C10orf90: variants seen among roughly 807,000 people sequenced by gnomAD.
C10orf90 encodes the protein chromosome 10 open reading frame 90, also known as (E2-independent) E3 ubiquitin-conjugating enzyme FATS.
C10orf90 carries 56 observed loss-of-function variants against 62.5 expected under a neutral mutation model. That is an observed-to-expected ratio of 0.90 (90% CI 0.72 to 1.12). C10orf90 has a LOEUF of 1.12. Ranked by LOEUF, C10orf90 falls within the 50% of genes most tolerant of loss-of-function variation. The pLI is 0.00. For missense variants in C10orf90, 970 were observed against 880.4 expected, an observed-to-expected ratio of 1.10 and a Z score of -1.29; for synonymous variants, 386 against 340.4, an observed-to-expected ratio of 1.13 and a Z score of -1.47.
chr10:126,462,730 A>T (rs900711540), intron 5 of C10orf90, among the ~76,000 whole-genome samples: 1 of 152,102 alleles, frequency 6.6e-6, no homozygotes, highest in Non-Finnish European at 1.5e-5. Flanking sequence ...ATGCATCTCC[A>T]TGATTACAAC....
intron 1 of C10orf90, among the ~76,000 whole-genome samples, chr10:126,656,785 T>A (rs998426698): frequency 6.6e-6 from 1 of 152,248 alleles, no homozygotes; most frequent in Non-Finnish European, 1.5e-5. Context: ...TGTACCCATT[T>A]GTCACAACAA....
intron 2 of C10orf90, among the ~76,000 whole-genome samples, chr10:126,552,135 T>C (rs899394820): frequency 6.6e-6 from 1 of 152,166 alleles, no homozygotes; most frequent in Admixed American, 6.5e-5. Context: ...AGCTTTAGGG[T>C]CATCAGTGTA....
intron 2 of C10orf90, among the ~76,000 whole-genome samples, chr10:126,600,927 T>C (rs1845187015): frequency 1.3e-5 from 2 of 152,168 alleles, no homozygotes; most frequent in East Asian, 1.9e-4. Context: ...AGCCAAGATA[T>C]GGAAACAGCC....
chr10:126,670,197 T>C (rs1478640345), intron 1 of C10orf90, 44 bp downstream of exon 1: 6 of 449,848 alleles, frequency 1.3e-5, no homozygotes, highest in Non-Finnish European at 2.2e-5. Flanking sequence ...CATCTCTCTC[T>C]GAGTCAAGCG....
At position 126,482,918 on chromosome 10, in the gene C10orf90, T is replaced by C. The variant is rs1363150170; in HGVS notation, c.1535-17932A>G. ...GTTAAGGAACAAGGAGTTAAGGAGTTAGGCTTGGGGGACCCTTAATTTTAA... is the reference window on the plus strand; with the variant it reads ...GTTAAGGAACAAGGAGTTAAGGAGTCAGGCTTGGGGGACCCTTAATTTTAA... On this transcript the variant is annotated intron_variant, in intron 4 of 9. Transcript: ENST00000488181. Among the ~76,000 whole-genome samples the C allele has an allele frequency of 2.0e-5, 3 of 152,212 alleles. No homozygotes were observed. The East Asian group carries it at 5.8e-4, about 29-fold the overall frequency.
chr10:126,480,972 C>T (rs1454424142), intron 4 of C10orf90, among the ~76,000 whole-genome samples: 1 of 152,174 alleles, frequency 6.6e-6, no homozygotes, highest in Non-Finnish European at 1.5e-5. Flanking sequence ...CGGGCCTCTG[C>T]TCACCTCCAT....
intron 7 of C10orf90, among the ~76,000 whole-genome samples, chr10:126,432,523 C>T (rs946889477): frequency 3.0e-4 from 45 of 152,138 alleles, no homozygotes; most frequent in Admixed American, 9.2e-4. Flanking sequence ...AAATGAAATG[C>T]CACCATGTGT....
At chr10:126,496,185 T>C (rs909879435) in intron 4 of C10orf90, among the ~76,000 whole-genome samples, 4 of 152,186 alleles carry the variant, frequency 2.6e-5, no homozygotes, top group African/African-American at 9.7e-5. Context: ...CCTGAGTAAA[T>C]GGCCCATTAA....
chr10:126,514,143 T>G (rs534138062), intron 2 of C10orf90, among the ~76,000 whole-genome samples: 1 of 152,324 alleles, frequency 6.6e-6, no homozygotes, highest in South Asian at 2.1e-4. Flanking sequence ...CGTTATTAGT[T>G]TATTCAGCTG....
intron 2 of C10orf90, among the ~76,000 whole-genome samples, chr10:126,567,440 C>G (rs1844416821): frequency 6.6e-6 from 1 of 152,164 alleles, no homozygotes; most frequent in Non-Finnish European, 1.5e-5. Flanking sequence ...GGCCCCTCCT[C>G]CAACACTGGA....
At chr10:126,595,829 C>T (rs2804449) in intron 2 of C10orf90, among the ~76,000 whole-genome samples, 16,840 of 152,068 alleles carry the variant, frequency 0.11, 1,682 homozygotes, top group African/African-American at 0.24. Context: ...CTCAGTACCC[C>T]ACACCCCAAT....
At chr10:126,657,967 G>C (rs975950385) in intron 1 of C10orf90, among the ~76,000 whole-genome samples, 15 of 152,162 alleles carry the variant, frequency 9.9e-5, no homozygotes, top group Non-Finnish European at 2.1e-4. Flanking sequence ...CAGGACTATG[G>C]GGCATGCTGG....
chr10:126,576,861 T>C (rs756869095), intron 2 of C10orf90, among the ~76,000 whole-genome samples: 3 of 150,164 alleles, frequency 2.0e-5, no homozygotes, highest in Non-Finnish European at 4.4e-5. Flanking sequence ...CAGATGGAAC[T>C]GAAGGACATT....
chr10:126,566,972 A>G (rs1436182274), intron 2 of C10orf90, among the ~76,000 whole-genome samples: 1 of 152,092 alleles, frequency 6.6e-6, no homozygotes, highest in Non-Finnish European at 1.5e-5. Context: ...GAAAATTTCC[A>G]TTTAGACACA....
chr10:126,642,693 T>C (rs1338562880), intron 2 of C10orf90, among the ~76,000 whole-genome samples: 2 of 152,156 alleles, frequency 1.3e-5, no homozygotes, highest in Non-Finnish European at 2.9e-5. Context: ...TGGTTTCTCA[T>C]ACCACCCTCG....
At chr10:126,583,772 T>G (rs1428394424) in intron 2 of C10orf90, among the ~76,000 whole-genome samples, 1 of 152,154 alleles carries the variant, frequency 6.6e-6, no homozygotes, top group Non-Finnish European at 1.5e-5. Context: ...GCTGCTCACA[T>G]TCCCAGTGCC....
intron 2 of C10orf90, among the ~76,000 whole-genome samples, chr10:126,614,373 A>G (rs1367661773): frequency 6.6e-6 from 1 of 152,238 alleles, no homozygotes; most frequent in Non-Finnish European, 1.5e-5. Flanking sequence ...TAAAAATGTG[A>G]TAAATACTCT....
intron 4 of C10orf90, among the ~76,000 whole-genome samples, chr10:126,489,199 C>A (rs890310415): frequency 2.0e-5 from 3 of 151,894 alleles, no homozygotes; most frequent in Non-Finnish European, 4.4e-5. Context: ...AAATAGTTAT[C>A]CTGGAAATAG....
rs1355532614 is a variant in C10orf90, at chr10:126,512,299, GTGTGTGTGTC to G, written c.405+1539_405+1548del. Reference sequence around the variant, plus strand: ...GAAAGAGAGACAGAAGTGTGTGTGTGTGTGTGTGTCTGTGTGTGTGTGTGTTCTATGTGTG... The same window carrying G: ...GAAAGAGAGACAGAAGTGTGTGTGTGTGTGTGTGTGTGTGTTCTATGTGTG... On this transcript the variant is annotated intron_variant, in intron 3 of 9. Transcript: ENST00000488181. Among the ~76,000 whole-genome samples, 142 of 151,204 alleles carry G rather than the reference GTGTGTGTGTC, an allele frequency of 9.4e-4. 1 individual carries two copies. The highest frequency in any genetic ancestry group is 3.3e-3 in the African/African-American group (135 of 41,086).
Sources: gnomAD v4.1 joint callset for allele counts (sites outside exome capture counted in the v4.1 genomes callset) on GRCh38, gnomAD v4.1.1 for gene constraint, MANE v1.5 for transcripts, NCBI Gene and HGNC (gene_info 2026-07-23, HGNC 2026-07-21) for gene names.